The following CADM2 variants were observed in gnomAD, a reference collection of about 807,000 sequenced individuals.
CADM2 encodes the protein cell adhesion molecule 2.
In CADM2, 12 loss-of-function variants were observed where a neutral mutation model predicts 49.8. That is an observed-to-expected ratio of 0.24 (90% CI 0.15 to 0.39). The LOEUF (loss-of-function observed/expected upper bound fraction) is 0.39. Among genes scored for constraint, CADM2 ranks in the 10% least tolerant of loss-of-function variants. The pLI, the probability that CADM2 is intolerant of heterozygous loss-of-function variation, is 1.00. For missense variants in CADM2, 378 were observed against 492.3 expected, an observed-to-expected ratio of 0.77 and a Z score of 2.20; for synonymous variants, 214 against 175.4, an observed-to-expected ratio of 1.22 and a Z score of -1.74.
chr3:85,207,828 T>C (rs2041685660), intron 1 of CADM2, among the ~76,000 whole-genome samples: 1 of 152,186 alleles, frequency 6.6e-6, no homozygotes, highest in Admixed American at 6.5e-5. Flanking sequence ...GACAGGTTGA[T>C]AAACTGTATC....
chr3:85,017,639 A>G (rs2034309920), intron 1 of CADM2, among the ~76,000 whole-genome samples: 1 of 152,140 alleles, frequency 6.6e-6, no homozygotes, highest in Non-Finnish European at 1.5e-5. Context: ...ACGCTTTCAT[A>G]CAGCCTTTTT....
chr3:85,230,648 T>A (rs919023740), intron 1 of CADM2, among the ~76,000 whole-genome samples: 1 of 152,190 alleles, frequency 6.6e-6, no homozygotes, highest in African/African-American at 2.4e-5. Context: ...TCTACTGCTG[T>A]TCTTTATTTT....
chr3:85,355,449 G>T (rs979367740), intron 1 of CADM2, among the ~76,000 whole-genome samples: 1 of 152,000 alleles, frequency 6.6e-6, no homozygotes, highest in East Asian at 1.9e-4. Flanking sequence ...TTCTCACTTC[G>T]TATGTAGATT....
chr3:85,668,523 A>G (rs182556856), intron 1 of CADM2, among the ~76,000 whole-genome samples: 1 of 152,186 alleles, frequency 6.6e-6, no homozygotes, highest in East Asian at 1.9e-4. Flanking sequence ...AGATAATTGA[A>G]TCATGGTGGT....
intron 1 of CADM2, among the ~76,000 whole-genome samples, chr3:85,611,417 C>G (rs7615964): frequency 0.21 from 32,052 of 151,574 alleles, 4,243 homozygotes; most frequent in Non-Finnish European, 0.29. Context: ...TTCAATTTAT[C>G]TTGGGTTAGT....
chr3:85,371,675 G>A (rs1283286728), intron 1 of CADM2, among the ~76,000 whole-genome samples: 5 of 103,200 alleles, frequency 4.8e-5, no homozygotes, highest in African/African-American at 2.2e-4. Context: ...GTGTGTGTGT[G>A]TGTATATATA....
chr3:85,736,533 G>A (rs990835025), intron 2 of CADM2, among the ~76,000 whole-genome samples: 2 of 152,182 alleles, frequency 1.3e-5, no homozygotes, highest in Non-Finnish European at 2.9e-5. Context: ...AGCAAGTAGA[G>A]TTTCTGGAGA....
intron 1 of CADM2, among the ~76,000 whole-genome samples, chr3:85,352,849 TAACTTG>T (rs1202382464): frequency 6.6e-6 from 1 of 152,144 alleles, no homozygotes; most frequent in Non-Finnish European, 1.5e-5. Context: ...GGTTATTAAT[TAACTTG>T]AATTTTTCTT....
intron 1 of CADM2, among the ~76,000 whole-genome samples, chr3:85,314,159 G>T (rs189845653): frequency 6.6e-6 from 1 of 152,146 alleles, no homozygotes; most frequent in African/African-American, 2.4e-5. Flanking sequence ...AAGTGCTGGG[G>T]TTACAGGCGT....
chr3:85,252,110 G>A (rs72917137), intron 1 of CADM2, among the ~76,000 whole-genome samples: 10,079 of 151,980 alleles, frequency 0.066, 1,102 homozygotes, highest in African/African-American at 0.23. Flanking sequence ...AGAGAAGTAA[G>A]CAAATGTTAT....
chr3:85,519,409 C>T (rs1047816147), intron 1 of CADM2, among the ~76,000 whole-genome samples: 1 of 152,032 alleles, frequency 6.6e-6, no homozygotes. Flanking sequence ...CAGCCAATTA[C>T]TTACTCAATT....
intron 1 of CADM2, among the ~76,000 whole-genome samples, chr3:85,390,977 G>A (rs2034489390): frequency 6.6e-6 from 1 of 152,014 alleles, no homozygotes; most frequent in Non-Finnish European, 1.5e-5. Context: ...AGAGCTAAAT[G>A]CATATATTCC....
chr3:85,374,019 G>A (rs1449608335), intron 1 of CADM2, among the ~76,000 whole-genome samples: 1 of 152,048 alleles, frequency 6.6e-6, no homozygotes, highest in African/African-American at 2.4e-5. Context: ...GATAACATTT[G>A]GCTCCTCATT....
At chr3:85,968,999 A>T (rs945568839) in intron 8 of CADM2, among the ~76,000 whole-genome samples, 5 of 151,582 alleles carry the variant, frequency 3.3e-5, no homozygotes, top group African/African-American at 1.2e-4. Flanking sequence ...TCTCCAATTC[A>T]TCACGAAGTT....
At chr3:85,621,954 C>CAT (rs2063989582) in intron 1 of CADM2, among the ~76,000 whole-genome samples, 1 of 152,138 alleles carries the variant, frequency 6.6e-6, no homozygotes, top group South Asian at 2.1e-4. Flanking sequence ...CTTAGGATTT[C>CAT]TCGAAGGGTT....
chr3:85,972,143 T>C (rs1726234914), intron 8 of CADM2, among the ~76,000 whole-genome samples: 1 of 151,670 alleles, frequency 6.6e-6, no homozygotes, highest in South Asian at 2.1e-4. Context: ...ACTTTTACAC[T>C]GTGATCCAAA....
At chr3:84,980,328 A>C (rs2032093752) in intron 1 of CADM2, among the ~76,000 whole-genome samples, 1 of 152,130 alleles carries the variant, frequency 6.6e-6, no homozygotes, top group South Asian at 2.1e-4. Flanking sequence ...GAACAGAATT[A>C]AAAAATGTGA....
intron 1 of CADM2, among the ~76,000 whole-genome samples, chr3:85,219,964 C>T (rs929803926): frequency 1.3e-5 from 2 of 151,968 alleles, no homozygotes; most frequent in African/African-American, 2.4e-5. Context: ...CATATGAAAT[C>T]CTATTTTCAA....
chr3:84,966,060 A>G (rs2030959709), intron 1 of CADM2, among the ~76,000 whole-genome samples: 1 of 152,196 alleles, frequency 6.6e-6, no homozygotes, highest in South Asian at 2.1e-4. Context: ...AAAACTGAAC[A>G]TGTTATACAT....
Sources: gnomAD v4.1 joint callset for allele counts (sites outside exome capture counted in the v4.1 genomes callset) on GRCh38, gnomAD v4.1.1 for gene constraint, MANE v1.5 for transcripts, NCBI Gene and HGNC (gene_info 2026-07-23, HGNC 2026-07-21) for gene names.